Variants in CRTAM observed in about 807,000 individuals in gnomAD.
CRTAM encodes cytotoxic and regulatory T-cell molecule.
A neutral mutation model predicts 50.0 loss-of-function variants in CRTAM; 44 were observed. That is an observed-to-expected ratio of 0.88 (90% CI 0.69 to 1.13). The LOEUF is 1.13. Among genes scored for constraint, CRTAM ranks in the 50% most tolerant of loss-of-function variants. The probability of loss-of-function intolerance (pLI) is 0.00; values close to 1 mark genes in which losing one functional copy is unlikely to be tolerated. For synonymous variants in CRTAM, 159 were observed against 169.3 expected (o/e 0.94, Z 0.47); for missense variants, 448 against 457.5 (o/e 0.98, Z 0.19).
intron 1 of CRTAM, among the ~76,000 whole-genome samples, chr11:122,843,293 G>A (rs951861868): frequency 6.6e-6 from 1 of 152,186 alleles, no homozygotes; most frequent in African/African-American, 2.4e-5. Context: ...ATATAAAGCA[G>A]TCACAATCTA....
chr11:122,846,433 G>A (rs566863908), intron 1 of CRTAM, among the ~76,000 whole-genome samples: 2 of 152,042 alleles, frequency 1.3e-5, no homozygotes, highest in Admixed American at 6.6e-5. Context: ...CCAGCCTCCT[G>A]AGTAGCTGGG....
chr11:122,858,665 G>T (rs1272939272), intron 5 of CRTAM, among the ~76,000 whole-genome samples: 1 of 152,022 alleles, frequency 6.6e-6, no homozygotes, highest in Non-Finnish European at 1.5e-5. Flanking sequence ...GGGTAGCTGG[G>T]ACTACAGGTG....
At position 122,850,132 on chromosome 11, in the gene CRTAM, G is replaced by C. The variant is rs1369203660; in HGVS notation, c.111G>C (p.Lys37Asn). 2 of 1,613,628 alleles carry C rather than the reference G, an allele frequency of 1.2e-6. No homozygotes were observed. Among genetic ancestry groups the C allele is most frequent in the East Asian group, 2.2e-5 (1 of 44,880 alleles). ...AGGAAGGCCAGACGCTCACTCTAAA[G>C]TGTGTCACTTCTCTGAGGAAGAACT... ...TVEEGQTLTLKCVTSLRKNSS... is the reference protein window; with the variant it reads ...TVEEGQTLTLNCVTSLRKNSS... The change falls in exon 2 of 10, where the codon AAG becomes AAC. Residue 37 changes from lysine to asparagine, a missense_variant. By Grantham distance (94) the Lys-to-Asn change is moderately conservative. Coordinates refer to ENST00000227348, the MANE Select transcript of CRTAM (RefSeq NM_019604.4).
intron 5 of CRTAM, 77 bp from the exon 6 acceptor site, chr11:122,862,387 C>T (rs898555053): frequency 2.2e-6 from 2 of 909,244 alleles, no homozygotes; most frequent in Admixed American, 3.5e-5. Flanking sequence ...AATATATTCT[C>T]CAATCTCTTT....
At chr11:122,862,691 C>A (rs1862102961) in intron 6 of CRTAM, 147 bp downstream of exon 6, 3 of 605,970 alleles carry the variant, frequency 5.0e-6, no homozygotes, top group African/African-American at 1.9e-5. Flanking sequence ...CAGCTTTGTA[C>A]CATCCTAGAG....
In CRTAM at chr11:122,862,604, T is replaced by G. The variant is rs969777153; in HGVS notation, c.733+60T>G. 85 of 1,076,340 alleles carry G rather than the reference T, an allele frequency of 7.9e-5. 1 individual carries two copies. In the African/African-American group the frequency reaches 8.9e-4, roughly 11 times the overall value. The allele number at this position is 1,076,340 out of a possible 1,614,324, so 66.7% of individuals were successfully genotyped here. A position where few individuals can be genotyped will look rare whatever the true frequency, so the allele number is the denominator to read the frequency against. ...AAATCACGTTTCCTTGGGAAGGTTATTTTTCTCATTCTAAGTTTTAAGAAT... is the reference window on the plus strand; with the variant it reads ...AAATCACGTTTCCTTGGGAAGGTTAGTTTTCTCATTCTAAGTTTTAAGAAT... On this transcript the variant is annotated intron_variant, in intron 6 of 9. Coordinates refer to ENST00000227348, the MANE Select transcript of CRTAM (RefSeq NM_019604.4).
At chr11:122,856,270 T>C (rs1481543004) in intron 5 of CRTAM, among the ~76,000 whole-genome samples, 1 of 152,270 alleles carries the variant, frequency 6.6e-6, no homozygotes, top group Non-Finnish European at 1.5e-5. Flanking sequence ...AACACACAGA[T>C]ACATGAAGAC....
chr11:122,860,990 C>T (rs530061465), intron 5 of CRTAM, among the ~76,000 whole-genome samples: 2 of 152,320 alleles, frequency 1.3e-5, no homozygotes, highest in Admixed American at 6.5e-5. Flanking sequence ...AACCATTGTG[C>T]CCGGCCCCAT....
rs1862143927 is a variant in CRTAM, at chr11:122,864,621, C to A, written c.734-15C>A. ...AATGCATGCATAGCTCATGTTTTAT[C>A]TTCTTTCACTTTAGTCTCAGTAACG... On this transcript the variant is annotated splice_polypyrimidine_tract_variant and intron_variant, in intron 6 of 9. Coordinates refer to ENST00000227348, the MANE Select transcript of CRTAM (RefSeq NM_019604.4). 1.9e-6 allele frequency: 3 copies of A among 1,585,610 alleles called. No individual in the cohort carries two copies. Among genetic ancestry groups the A allele is most frequent in the Non-Finnish European group, 2.6e-6 (3 of 1,154,380 alleles).
intron 1 of CRTAM, among the ~76,000 whole-genome samples, chr11:122,848,367 G>A (rs894804163): frequency 6.6e-6 from 1 of 152,216 alleles, no homozygotes; most frequent in African/African-American, 2.4e-5. Flanking sequence ...TGATGTCACA[G>A]AGGAGAATAT....
intron 7 of CRTAM, among the ~76,000 whole-genome samples, chr11:122,866,318 C>T (rs974914954): frequency 6.6e-6 from 1 of 152,152 alleles, no homozygotes; most frequent in Non-Finnish European, 1.5e-5. Context: ...ACTTTTTTGA[C>T]CAACTCAACC....
At chr11:122,853,631 G>A (rs970637448) in intron 3 of CRTAM, among the ~76,000 whole-genome samples, 6 of 151,544 alleles carry the variant, frequency 4.0e-5, no homozygotes, top group Admixed American at 2.0e-4. Flanking sequence ...GACCAGCTTG[G>A]CCACAGAGAA....
intron 1 of CRTAM, among the ~76,000 whole-genome samples, chr11:122,847,847 C>T (rs1861884550): frequency 6.6e-6 from 1 of 152,160 alleles, no homozygotes; most frequent in African/African-American, 2.4e-5. Context: ...ATGGAAAAGA[C>T]TTTTATCTTC....
At chr11:122,865,713 C>T (rs1026116185) in intron 7 of CRTAM, among the ~76,000 whole-genome samples, 4 of 152,140 alleles carry the variant, frequency 2.6e-5, no homozygotes, top group African/African-American at 9.7e-5. Flanking sequence ...TGCTAAATAC[C>T]AAACAGCACC....
chr11:122,867,400 T>C lies in CRTAM; in HGVS notation c.818-9T>C. 2 of 1,600,660 alleles carry C rather than the reference T, an allele frequency of 1.2e-6. No homozygotes were observed. Among genetic ancestry groups the C allele is most frequent in the Non-Finnish European group, 1.7e-6 (2 of 1,176,366 alleles). ...AAGTATCTAAACTCCTTTTTCATTT[T>C]CCTTATAGAAGCAAATCCTCAGTAT... On this transcript the variant is annotated splice_polypyrimidine_tract_variant and intron_variant, in intron 7 of 9. Transcript: ENST00000227348.
rs1174811389 is a variant in CRTAM, at chr11:122,838,635, A to G, written c.46+43A>G. 1.9e-6 allele frequency: 3 copies of G among 1,590,810 alleles called. No homozygotes were observed. In the African/African-American group the frequency reaches 4.0e-5, roughly 21 times the overall value. ...TTTTTGTTGTTGCTCAGCTGACTTAATGTTTTGCCACATCTACCTATCAGT... is the reference window on the plus strand; with the variant it reads ...TTTTTGTTGTTGCTCAGCTGACTTAGTGTTTTGCCACATCTACCTATCAGT... On this transcript the variant is annotated intron_variant, in intron 1 of 9. Coordinates refer to ENST00000227348, the MANE Select transcript of CRTAM (RefSeq NM_019604.4).
At position 122,853,796 on chromosome 11, in the gene CRTAM, C is replaced by T. The variant is rs538080210; in HGVS notation, c.347-147C>T. ...TCGTGCCACTGCACTCCAGCCTGGG[C>T]GACGGAGACTAAGTCTAAAAAAAAA... is the stretch of plus-strand genomic sequence containing the variant. On this transcript the variant is annotated intron_variant, in intron 3 of 9. Coordinates refer to ENST00000227348, the MANE Select transcript of CRTAM (RefSeq NM_019604.4). The T allele has an allele frequency of 6.3e-6, 4 of 636,304 alleles. No homozygotes were observed. In the South Asian group the frequency reaches 1.1e-4, roughly 18 times the overall value. The allele number at this position is 636,304 out of a possible 1,614,324, so 39.4% of individuals were successfully genotyped here.
intron 1 of CRTAM, among the ~76,000 whole-genome samples, chr11:122,841,200 C>A (rs114144918): frequency 5.7e-4 from 87 of 152,116 alleles, no homozygotes; most frequent in African/African-American, 2.0e-3. Context: ...TAATAAAAAT[C>A]TTTTTTTGTA....
At chr11:122,854,788 AC>A (rs1861983464) in intron 4 of CRTAM, among the ~76,000 whole-genome samples, 1 of 152,134 alleles carries the variant, frequency 6.6e-6, no homozygotes, top group Non-Finnish European at 1.5e-5. Flanking sequence ...ATTGTATAGT[AC>A]TATATTGTGT....
Sources: allele counts gnomAD v4.1 joint callset (sites outside exome capture counted in the v4.1 genomes callset), GRCh38; gene constraint gnomAD v4.1.1; transcripts MANE v1.5; gene names NCBI Gene and HGNC (gene_info 2026-07-23, HGNC 2026-07-21).